The following SPINK6 variants were observed in gnomAD, a reference collection of about 807,000 sequenced individuals.
The protein encoded by SPINK6 is serine peptidase inhibitor Kazal type 6, also known as serine protease inhibitor Kazal-type 6.
In SPINK6, 13 loss-of-function variants were observed where a neutral mutation model predicts 11.7. That is an observed-to-expected ratio of 1.11 (90% CI 0.72 to 1.76). The LOEUF (loss-of-function observed/expected upper bound fraction) is 1.76, where lower values mean the gene tolerates loss of function less well. Among genes scored for constraint, SPINK6 ranks in the 40% most tolerant of loss-of-function variants. The pLI, the probability that SPINK6 is intolerant of heterozygous loss-of-function variation, is 0.00. For synonymous variants in SPINK6, 21 were observed against 31.9 expected, an observed-to-expected ratio of 0.66 and a Z score of 1.15; for missense variants, 98 against 93.7, an observed-to-expected ratio of 1.05 and a Z score of -0.19.
At position 148,203,165 on chromosome 5, in the gene SPINK6, T is replaced by C. The variant is rs1382400551; in HGVS notation, c.58+11T>C. On this transcript the variant is annotated intron_variant, in intron 1 of 3. Transcript: ENST00000325630. ...TCTGCTTTTTAACAGGTAAGTTTTTTCTTAAAATTAAGATCCCATATTTAT... is the reference window on the plus strand; with the variant it reads ...TCTGCTTTTTAACAGGTAAGTTTTTCCTTAAAATTAAGATCCCATATTTAT... 3 of 1,604,962 alleles carry C rather than the reference T, an allele frequency of 1.9e-6. No homozygotes were observed. Among genetic ancestry groups the C allele is most frequent in the Non-Finnish European group, 2.6e-6 (3 of 1,175,594 alleles).
chr5:148,209,884 GAAAGA>G (rs1196178841), intron 2 of SPINK6, among the ~76,000 whole-genome samples: 1 of 149,074 alleles, frequency 6.7e-6, no homozygotes, highest in South Asian at 2.1e-4. Context: ...AAACTAGTTT[GAAAGA>G]AAAGAGTTGT....
chr5:148,209,991 T>TACACAAGTACGTATGTATGTATAC lies in SPINK6; in HGVS notation c.82-3918_82-3917insCACAAGTACGTATGTATGTATACA, dbSNP rs1398978551. Among the ~76,000 whole-genome samples the TACACAAGTACGTATGTATGTATAC allele has an allele frequency of 1.4e-5, 2 of 145,404 alleles. 1 individual carries two copies. The highest frequency in any genetic ancestry group is 3.0e-5 in the Non-Finnish European group (2 of 65,970). On this transcript the variant is annotated intron_variant, in intron 2 of 3. Transcript: ENST00000325630. ...ACATACGTACGTATGTATGTATACA[T>TACACAAGTACGTATGTATGTATAC]ATACACGTATGTATACATGTATGTA...
chr5:148,211,661 GT>G (rs373120659), intron 2 of SPINK6, among the ~76,000 whole-genome samples: 1 of 152,236 alleles, frequency 6.6e-6, no homozygotes, highest in African/African-American at 2.4e-5. Flanking sequence ...GGCGGAACAG[GT>G]TCTAAAACAC....
Position 148,209,967 on chromosome 5 carries a change from C to T in SPINK6, c.81+3909C>T, listed in dbSNP as rs1303104541. Among the ~76,000 whole-genome samples, 2 of 148,802 alleles carry T rather than the reference C, an allele frequency of 1.3e-5. 1 individual carries two copies. The highest frequency in any genetic ancestry group is 3.0e-5 in the Non-Finnish European group (2 of 67,788). ...AAGGTTTCATATATATGTATACATA[C>T]ATACGTACGTATGTATGTATACATA... On this transcript the variant is annotated intron_variant, in intron 2 of 3. Coordinates refer to ENST00000325630, the MANE Select transcript of SPINK6 (RefSeq NM_205841.4).
At chr5:148,205,878 G>A (rs200126959) in intron 1 of SPINK6, among the ~76,000 whole-genome samples, 158 bp from the exon 2 acceptor site, 1 of 147,454 alleles carries the variant, frequency 6.8e-6, no homozygotes, top group African/African-American at 2.6e-5. Context: ...AAAAAAAAAA[G>A]AAGAAGAAGA....
intron 1 of SPINK6, among the ~76,000 whole-genome samples, chr5:148,204,297 T>C (rs897560570): frequency 1.3e-5 from 2 of 151,950 alleles, no homozygotes; most frequent in African/African-American, 4.8e-5. Context: ...CAAATAACCT[T>C]AATGGGTAGT....
At chr5:148,207,366 A>G (rs1215868104) in intron 2 of SPINK6, among the ~76,000 whole-genome samples, 1 of 151,648 alleles carries the variant, frequency 6.6e-6, no homozygotes, top group Non-Finnish European at 1.5e-5. Context: ...TTTCTTACAA[A>G]CAGAGGTTTT....
intron 2 of SPINK6, among the ~76,000 whole-genome samples, chr5:148,211,677 C>T (rs1316568377): frequency 6.6e-6 from 1 of 152,136 alleles, no homozygotes; most frequent in Non-Finnish European, 1.5e-5. Context: ...AAACACGATT[C>T]TCAGCTTACT....
rs567424355 is a variant in SPINK6, at chr5:148,214,324, AT to A, written c.197+303del. The stretch of plus-strand genomic sequence containing the variant: ...ACATTATAACTTATTATATTTAATA[AT>A]TTTGATATGTTTTAATGTTTTCATT... On this transcript the variant is annotated intron_variant, in intron 3 of 3. Transcript: ENST00000325630. Among the ~76,000 whole-genome samples the A allele has an allele frequency of 2.3e-3, 343 of 152,288 alleles. 2 individuals carry two copies. The highest frequency in any genetic ancestry group is 7.4e-3 in the African/African-American group (308 of 41,572).
At chr5:148,207,766 T>G (rs1237206412) in intron 2 of SPINK6, among the ~76,000 whole-genome samples, 2 of 152,012 alleles carry the variant, frequency 1.3e-5, no homozygotes, top group Non-Finnish European at 2.9e-5. Flanking sequence ...GAGGTGGAGG[T>G]GCAGTGAGCC....
At chr5:148,204,782 T>C (rs1406962829) in intron 1 of SPINK6, among the ~76,000 whole-genome samples, 1 of 152,140 alleles carries the variant, frequency 6.6e-6, no homozygotes, top group Non-Finnish European at 1.5e-5. Context: ...ACTCCGTCAT[T>C]GTGAATATTA....
At chr5:148,208,486 A>T (rs1755528358) in intron 2 of SPINK6, among the ~76,000 whole-genome samples, 1 of 152,210 alleles carries the variant, frequency 6.6e-6, no homozygotes. Context: ...TTCTCATGCC[A>T]AGAATTCTCT....
intron 2 of SPINK6, among the ~76,000 whole-genome samples, chr5:148,209,990 A>ATGCACACGTACGTATGTATG (rs1491226453): frequency 8.3e-5 from 12 of 144,970 alleles, no homozygotes; most frequent in Non-Finnish European, 1.6e-4. Context: ...GTATGTATAC[A>ATGCACACGTACGTATGTATG]TATACACGTA....
At chr5:148,203,204 T>C (rs1207088332) in intron 1 of SPINK6, 50 bp downstream of exon 1, 3 of 1,306,404 alleles carry the variant, frequency 2.3e-6, no homozygotes, top group Non-Finnish European at 3.2e-6. Flanking sequence ...GAACTGGATA[T>C]GATGAGTAGT....
intron 2 of SPINK6, among the ~76,000 whole-genome samples, chr5:148,208,786 C>T (rs1163367301): frequency 6.6e-6 from 1 of 152,092 alleles, no homozygotes; most frequent in African/African-American, 2.4e-5. Context: ...TTGTATAGCG[C>T]CAAAATGTTT....
At chr5:148,212,654 AT>A (rs1755624623) in intron 2 of SPINK6, among the ~76,000 whole-genome samples, 1 of 102,714 alleles carries the variant, frequency 9.7e-6, no homozygotes, top group African/African-American at 4.5e-5. Context: ...ATAAATATAT[AT>A]ATTTATATAT....
chr5:148,202,803 C>T (rs1581138881), upstream of SPINK6: 1 of 286,830 alleles, frequency 3.5e-6, no homozygotes, highest in East Asian at 6.4e-5. Context: ...TGTAGTGAAA[C>T]TTTAGAAAGA....
At chr5:148,212,510 T>A (rs12654118) in intron 2 of SPINK6, among the ~76,000 whole-genome samples, 6 of 116,988 alleles carry the variant, frequency 5.1e-5, no homozygotes, top group African/African-American at 9.7e-5. Flanking sequence ...AGTATATATT[T>A]TATATATATA....
rs530227273 is a variant in SPINK6 at position 148,213,564 on chromosome 5, G to C, written c.82-346G>C. Reference sequence around the variant, plus strand: ...ACATTAATATGATGTTTAAAAAGTCGTTTCATGACCGAAAACCACTCTCAA... The same window carrying C: ...ACATTAATATGATGTTTAAAAAGTCCTTTCATGACCGAAAACCACTCTCAA... On this transcript the variant is annotated intron_variant, in intron 2 of 3. Transcript: ENST00000325630. Among the ~76,000 whole-genome samples the C allele has an allele frequency of 2.6e-5, 4 of 152,134 alleles. No homozygotes were observed. The South Asian group carries it at 8.3e-4, about 32-fold the overall frequency.
Sources: allele counts gnomAD v4.1 joint callset (sites outside exome capture counted in the v4.1 genomes callset), GRCh38; gene constraint gnomAD v4.1.1; transcripts MANE v1.5; gene names NCBI Gene and HGNC (gene_info 2026-07-23, HGNC 2026-07-21).